Variants in PRKCB observed in about 807,000 individuals in gnomAD.
The protein encoded by PRKCB is protein kinase C beta type.
Under a neutral mutation model 81.5 loss-of-function variants are expected in PRKCB, and 13 were observed. That is an observed-to-expected ratio of 0.16 (90% CI 0.10 to 0.25). The LOEUF is 0.25. PRKCB is among the 10% of genes least tolerant of loss of function. PRKCB has a pLI of 1.00. For missense variants in PRKCB, 509 were observed against 875.7 expected (o/e 0.58, Z 5.29); for synonymous variants, 335 against 321.4 (o/e 1.04, Z -0.45).
chr16:23,850,053 G>A (rs1962447817), intron 2 of PRKCB, among the ~76,000 whole-genome samples: 2 of 151,938 alleles, frequency 1.3e-5, no homozygotes, highest in African/African-American at 4.8e-5. Context: ...CCACATATAC[G>A]TGAGATCATG....
chr16:23,882,018 CTT>C (rs1597226142), intron 2 of PRKCB, among the ~76,000 whole-genome samples: 1 of 91,838 alleles, frequency 1.1e-5, no homozygotes, highest in Admixed American at 1.2e-4. Context: ...TTCTTTCTTT[CTT>C]TCTTCCTTCC....
At chr16:23,930,709 A>G (rs907061677) in intron 2 of PRKCB, among the ~76,000 whole-genome samples, 1 of 152,168 alleles carries the variant, frequency 6.6e-6, no homozygotes, top group Non-Finnish European at 1.5e-5. Flanking sequence ...GTCCTCAAAC[A>G]AAAACATTTA....
intron 2 of PRKCB, among the ~76,000 whole-genome samples, chr16:23,926,073 GA>G (rs1438941162): frequency 6.6e-6 from 1 of 151,856 alleles, no homozygotes; most frequent in East Asian, 1.9e-4. Context: ...CCAGGAGTTT[GA>G]AACCAGCCTG....
chr16:24,100,030 G>A (rs1200566829), intron 7 of PRKCB: 1 of 151,332 alleles, frequency 6.6e-6, no homozygotes, highest in Non-Finnish European at 1.5e-5. Flanking sequence ...AAGATGGCTT[G>A]CTTATGGTGC....
chr16:24,002,766 G>A (rs11859534), intron 3 of PRKCB, among the ~76,000 whole-genome samples: 11,067 of 152,162 alleles, frequency 0.073, 525 homozygotes, highest in Middle Eastern at 0.15. Flanking sequence ...AGGAGCATGC[G>A]GGGATGGGAG....
At chr16:24,194,953 C>T (rs1281968799) in intron 16 of PRKCB, among the ~76,000 whole-genome samples, 1 of 152,130 alleles carries the variant, frequency 6.6e-6, no homozygotes, top group African/African-American at 2.4e-5. Context: ...CCTGTAATCC[C>T]CACACTTTGG....
intron 9 of PRKCB, among the ~76,000 whole-genome samples, chr16:24,152,417 A>G (rs1176187987): frequency 3.3e-5 from 5 of 152,226 alleles, no homozygotes; most frequent in African/African-American, 7.2e-5. Flanking sequence ...GGGTGGGGAC[A>G]CAGCCAAACC....
intron 2 of PRKCB, among the ~76,000 whole-genome samples, chr16:23,937,010 A>G (rs1964070510): frequency 6.6e-6 from 1 of 152,228 alleles, no homozygotes; most frequent in African/African-American, 2.4e-5. Flanking sequence ...CTGAAATTGT[A>G]GTAGGTACAG....
Position 24,220,248 on chromosome 16 carries a change from C to A in PRKCB, c.*5432C>A. The stretch of plus-strand genomic sequence containing the variant: ...GGAAAGCTTGTCTTAGAGGGCTTTT[C>A]TTTGTATGTGTAGCTTGCTAGTTTG... On this transcript the variant is annotated 3_prime_UTR_variant, in exon 17 of 17. Coordinates refer to ENST00000643927, the MANE Select transcript of PRKCB (RefSeq NM_002738.7). 1 of 1,067,796 alleles carries A rather than the reference C, an allele frequency of 9.4e-7. No individual in the cohort carries two copies. The highest frequency in any genetic ancestry group is 1.3e-6 in the Non-Finnish European group (1 of 747,052). 66.1% of individuals were successfully genotyped at this position (1,067,796 alleles called of 1,614,324 possible). A position where few individuals can be genotyped will look rare whatever the true frequency, so the allele number is the denominator to read the frequency against.
At chr16:24,083,944 A>G (rs763821691) in intron 5 of PRKCB, among the ~76,000 whole-genome samples, 1 of 152,228 alleles carries the variant, frequency 6.6e-6, no homozygotes, top group Non-Finnish European at 1.5e-5. Context: ...CAATAGTCCA[A>G]GATGAAGAGG....
At chr16:23,871,190 A>G (rs1267320546) in intron 2 of PRKCB, among the ~76,000 whole-genome samples, 2 of 152,134 alleles carry the variant, frequency 1.3e-5, no homozygotes, top group Non-Finnish European at 2.9e-5. Context: ...TCTTATGGAG[A>G]GAGTCACATA....
chr16:24,100,442 C>T (rs989382006), intron 7 of PRKCB, among the ~76,000 whole-genome samples: 3 of 152,144 alleles, frequency 2.0e-5, no homozygotes, highest in African/African-American at 7.2e-5. Flanking sequence ...CATGCAGCAC[C>T]CTCTCTGTCC....
chr16:24,151,744 T>C (rs1464180994), intron 9 of PRKCB: 1 of 453,192 alleles, frequency 2.2e-6, no homozygotes, highest in Non-Finnish European at 4.4e-6. Context: ...CAAGAGCCAC[T>C]GAAGGGCTTT....
At chr16:24,137,331 A>C (rs1179620980) in intron 9 of PRKCB, among the ~76,000 whole-genome samples, 1 of 151,942 alleles carries the variant, frequency 6.6e-6, no homozygotes, top group Non-Finnish European at 1.5e-5. Context: ...TGGGACTACA[A>C]GTGCATGCCA....
At chr16:24,202,226 A>G (rs1967969680) in intron 16 of PRKCB, among the ~76,000 whole-genome samples, 2 of 152,016 alleles carry the variant, frequency 1.3e-5, no homozygotes, top group Non-Finnish European at 2.9e-5. Context: ...CCTCCTTACT[A>G]CTACTCTTAC....
intron 7 of PRKCB, among the ~76,000 whole-genome samples, chr16:24,096,666 A>AAAAAAAAAAAAAATATAT (rs1406204037): frequency 3.1e-5 from 1 of 32,700 alleles, no homozygotes; most frequent in African/African-American, 9.7e-5. Context: ...AAAAAAAAAA[A>AAAAAAAAAAAAAATATAT]ATATATATAT....
intron 2 of PRKCB, among the ~76,000 whole-genome samples, chr16:23,961,649 T>C (rs1473635241): frequency 6.6e-6 from 1 of 152,228 alleles, no homozygotes; most frequent in Non-Finnish European, 1.5e-5. Context: ...TAATACAGGT[T>C]GAGCATCTCT....
At chr16:24,074,129 C>T (rs1029884777) in intron 5 of PRKCB, among the ~76,000 whole-genome samples, 4 of 149,566 alleles carry the variant, frequency 2.7e-5, no homozygotes, top group African/African-American at 9.9e-5. Flanking sequence ...AGCAAGACTC[C>T]ATCTCAAAAA....
intron 2 of PRKCB, among the ~76,000 whole-genome samples, chr16:23,985,668 T>C (rs1015554195): frequency 5.9e-5 from 9 of 152,200 alleles, no homozygotes; most frequent in African/African-American, 1.9e-4. Context: ...GAGGGTTGAC[T>C]GAATACAATC....
Sources: allele counts gnomAD v4.1 joint callset (sites outside exome capture counted in the v4.1 genomes callset), GRCh38; gene constraint gnomAD v4.1.1; transcripts MANE v1.5; gene names NCBI Gene and HGNC (gene_info 2026-07-23, HGNC 2026-07-21).